The following EPB41L1 variants were observed in gnomAD, a reference collection of about 807,000 sequenced individuals.
EPB41L1 encodes the protein band 4.1-like protein 1.
Under a neutral mutation model 97.8 loss-of-function variants are expected in EPB41L1, and 29 were observed. The observed-to-expected ratio is 0.30, with a 90% CI of 0.22 to 0.40. EPB41L1 has a LOEUF of 0.40. Ranked by LOEUF, EPB41L1 falls within the 10% of genes least tolerant of loss-of-function variation. EPB41L1 has a pLI of 1.00. For synonymous variants in EPB41L1, 383 were observed against 459.2 expected (o/e 0.83, Z 2.12); for missense variants, 812 against 1,162.3 (o/e 0.70, Z 4.38).
At chr20:36,152,497 T>TA (rs2060095655), upstream of EPB41L1, 1 of 155,760 alleles carries the variant, frequency 6.4e-6, no homozygotes, top group Non-Finnish European at 1.4e-5. Context: ...AGAGTTGAAC[T>TA]AAGAGGAACA....
chr20:36,145,841 A>T (rs562019487), intron 2 of EPB41L1, among the ~76,000 whole-genome samples: 4 of 152,234 alleles, frequency 2.6e-5, no homozygotes, highest in Non-Finnish European at 5.9e-5. Flanking sequence ...TTGGTTTGTC[A>T]TTCAAGGCTC....
At chr20:36,165,970 C>T (rs963706617) in intron 1 of EPB41L1, among the ~76,000 whole-genome samples, 1 of 152,204 alleles carries the variant, frequency 6.6e-6, no homozygotes, top group Non-Finnish European at 1.5e-5. Context: ...AATCCATTTG[C>T]CTCTTTGCAC....
chr20:36,146,327 C>T (rs1386567749), intron 2 of EPB41L1, among the ~76,000 whole-genome samples: 1 of 152,218 alleles, frequency 6.6e-6, no homozygotes, highest in East Asian at 1.9e-4. Flanking sequence ...GGTACCATAA[C>T]TTCCCTGTCC....
chr20:36,112,946 G>A (rs1011749167), intron 2 of EPB41L1, among the ~76,000 whole-genome samples: 11 of 152,334 alleles, frequency 7.2e-5, no homozygotes, highest in Admixed American at 3.3e-4. Context: ...CAGGGGATGG[G>A]GGAAAGTAGG....
At chr20:36,188,197 T>A in intron 8 of EPB41L1, 150 bp from the exon 9 acceptor site, 1 of 982,128 alleles carries the variant, frequency 1.0e-6, no homozygotes. Flanking sequence ...ATGGGAGGGA[T>A]TGGTCAGTGG....
chr20:36,107,389 TTTTGTA>T (rs1178300688), intron 1 of EPB41L1, among the ~76,000 whole-genome samples: 3 of 151,848 alleles, frequency 2.0e-5, no homozygotes, highest in Non-Finnish European at 4.4e-5. Flanking sequence ...CCCGGCTAAT[TTTTGTA>T]TTTTTAGTAG....
chr20:36,182,235 T>A, intron 5 of EPB41L1, 37 bp from the exon 6 acceptor site: 1 of 1,600,494 alleles, frequency 6.2e-7, no homozygotes, highest in Non-Finnish European at 8.6e-7. Context: ...CAGTGGGGTG[T>A]TAGGGCCTCG....
At chr20:36,186,679 C>T (rs1251655957) in intron 7 of EPB41L1, among the ~76,000 whole-genome samples, 3 of 152,088 alleles carry the variant, frequency 2.0e-5, no homozygotes, top group Admixed American at 6.6e-5. Context: ...TCATCCCTGT[C>T]CTAGATAGCA....
intron 5 of EPB41L1, among the ~76,000 whole-genome samples, chr20:36,181,565 C>G (rs1214880239): frequency 6.6e-6 from 1 of 152,166 alleles, no homozygotes; most frequent in Admixed American, 6.5e-5. Flanking sequence ...ATAATCCAAT[C>G]CTGTCTTCTG....
Position 36,169,816 on chromosome 20 carries a change from T to A in EPB41L1, c.-14-3948T>A, listed in dbSNP as rs2060907217. Among the ~76,000 whole-genome samples the A allele has an allele frequency of 3.3e-5, 5 of 152,246 alleles. No individual in the cohort carries two copies. The South Asian group carries it at 1.0e-3, about 31-fold the overall frequency. On this transcript the variant is annotated intron_variant, in intron 1 of 21. Transcript: ENST00000338074. The stretch of plus-strand genomic sequence containing the variant: ...TCCAGATCACCAGGTCCCCAGACTC[T>A]GCTGAGAGGCTGAAACATACATGGC...
intron 2 of EPB41L1, among the ~76,000 whole-genome samples, chr20:36,113,994 G>A (rs2147615786): frequency 6.6e-6 from 1 of 152,304 alleles, no homozygotes; most frequent in South Asian, 2.1e-4. Context: ...GAAGGAGACA[G>A]GAAATGTGAG....
At chr20:36,199,863 G>T (rs141972198) in intron 14 of EPB41L1, among the ~76,000 whole-genome samples, 1,625 of 152,318 alleles carry the variant, frequency 0.011, 19 homozygotes, top group Middle Eastern at 0.02. Context: ...GCCCTGGGAA[G>T]TGAGGTCTAG....
intron 18 of EPB41L1, 77 bp downstream of exon 18, chr20:36,219,039 G>A (rs977002537): frequency 6.8e-6 from 10 of 1,476,910 alleles, no homozygotes; most frequent in Non-Finnish European, 9.4e-6. Flanking sequence ...TGGCTGGCAG[G>A]AAGTGCAGCG....
At chr20:36,187,504 A>G (rs1312148523) in intron 7 of EPB41L1, among the ~76,000 whole-genome samples, 172 bp from the exon 8 acceptor site, 6 of 152,138 alleles carry the variant, frequency 3.9e-5, no homozygotes, top group Non-Finnish European at 7.4e-5. Context: ...GGTGGGCTGA[A>G]GTGGGAGTTG....
chr20:36,118,807 A>T (rs1271035774), intron 2 of EPB41L1, among the ~76,000 whole-genome samples: 1 of 152,222 alleles, frequency 6.6e-6, no homozygotes, highest in African/African-American at 2.4e-5. Flanking sequence ...TTGTTTTGAT[A>T]TAAGAACATC....
chr20:36,162,657 G>A (rs375643892), intron 1 of EPB41L1, among the ~76,000 whole-genome samples: 2 of 152,312 alleles, frequency 1.3e-5, no homozygotes, highest in African/African-American at 4.8e-5. Context: ...CAGGTGGGAC[G>A]CATGTCTCCG....
intron 2 of EPB41L1, among the ~76,000 whole-genome samples, chr20:36,123,792 G>T (rs1194028446): frequency 6.6e-6 from 1 of 152,192 alleles, no homozygotes; most frequent in Non-Finnish European, 1.5e-5. Flanking sequence ...AGATGAAGAG[G>T]ACATTCCCAG....
At chr20:36,096,068 G>A (rs1467603660) in intron 1 of EPB41L1, among the ~76,000 whole-genome samples, 1 of 151,710 alleles carries the variant, frequency 6.6e-6, no homozygotes, top group African/African-American at 2.4e-5. Context: ...TGGTTCTCAC[G>A]CCAGACCTAG....
intron 16 of EPB41L1, among the ~76,000 whole-genome samples, chr20:36,213,280 C>T (rs963201303): frequency 4.6e-5 from 7 of 152,102 alleles, no homozygotes; most frequent in African/African-American, 1.7e-4. Context: ...TGCCTGTAGT[C>T]CCAGCTGCTC....
Sources: gnomAD v4.1 joint callset for allele counts (sites outside exome capture counted in the v4.1 genomes callset) on GRCh38, gnomAD v4.1.1 for gene constraint, MANE v1.5 for transcripts, NCBI Gene and HGNC (gene_info 2026-07-23, HGNC 2026-07-21) for gene names.